TNFSF4: variants seen among roughly 807,000 people sequenced by gnomAD.
The protein encoded by TNFSF4 is tumor necrosis factor ligand superfamily member 4.
TNFSF4 carries 4 observed loss-of-function variants against 7.3 expected under a neutral mutation model. The ratio of observed to expected loss-of-function variants is 0.55; its 90% CI spans 0.27 to 1.25. The LOEUF (loss-of-function observed/expected upper bound fraction) is 1.25. Among genes scored for constraint, TNFSF4 ranks in the 50% most tolerant of loss-of-function variants. The pLI, the probability that TNFSF4 is intolerant of heterozygous loss-of-function variation, is 0.12. For missense variants in TNFSF4, 181 were observed against 208.8 expected (o/e 0.87, Z 0.82); for synonymous variants, 76 against 83.7 (o/e 0.91, Z 0.50).
At chr1:173,368,150 G>A in the TNFSF4 span, among the ~76,000 whole-genome samples, 1,227 of 152,192 alleles carry the variant, frequency 8.1e-3, 9 homozygotes, top group Middle Eastern at 0.034. Context: ...AATGGAACAC[G>A]CGAGGGGACA....
At chr1:173,410,610 A>C in the TNFSF4 span, among the ~76,000 whole-genome samples, 1 of 152,220 alleles carries the variant, frequency 6.6e-6, no homozygotes, top group Non-Finnish European at 1.5e-5. Context: ...GGACTTGGTC[A>C]TAGGAAGCCC....
At chr1:173,296,604 G>T in the TNFSF4 span, among the ~76,000 whole-genome samples, 2 of 151,866 alleles carry the variant, frequency 1.3e-5, no homozygotes, top group Admixed American at 6.6e-5. Flanking sequence ...TTGAGTGAGG[G>T]GTAGGGAGAC....
the TNFSF4 span, among the ~76,000 whole-genome samples, chr1:173,407,707 T>TGTGTGTGTGTGTGTGC: frequency 6.7e-6 from 1 of 150,342 alleles, no homozygotes; most frequent in East Asian, 1.9e-4. Flanking sequence ...TAAATGGGTG[T>TGTGTGTGTGTGTGTGC]GTGTGTGTGT....
At chr1:173,387,997 C>T in the TNFSF4 span, among the ~76,000 whole-genome samples, 1 of 152,182 alleles carries the variant, frequency 6.6e-6, no homozygotes, top group African/African-American at 2.4e-5. Flanking sequence ...TGATATATGA[C>T]ACTTTACTGA....
At chr1:173,198,279 C>T (rs1438212471) in intron 1 of TNFSF4, among the ~76,000 whole-genome samples, 1 of 152,208 alleles carries the variant, frequency 6.6e-6, no homozygotes, top group African/African-American at 2.4e-5. Flanking sequence ...ATTCTCATTT[C>T]AATGTCTAAA....
the TNFSF4 span, among the ~76,000 whole-genome samples, chr1:173,230,894 G>A: frequency 6.6e-6 from 1 of 152,118 alleles, no homozygotes; most frequent in East Asian, 1.9e-4. Flanking sequence ...GACTAAACCA[G>A]GAAGAAGTTG....
the TNFSF4 span, among the ~76,000 whole-genome samples, chr1:173,393,566 G>A: frequency 1.3e-5 from 2 of 152,344 alleles, no homozygotes; most frequent in East Asian, 3.9e-4. Context: ...CTCACAGCTG[G>A]CACCTTGAGA....
the TNFSF4 span, among the ~76,000 whole-genome samples, chr1:173,293,805 G>A: frequency 3.3e-5 from 5 of 151,924 alleles, no homozygotes; most frequent in Non-Finnish European, 7.4e-5. Flanking sequence ...ATGGGTAAAG[G>A]ACATGAATGG....
intron 1 of TNFSF4, chr1:173,205,514 T>A (rs1650148984): frequency 7.1e-7 from 1 of 1,402,750 alleles, no homozygotes; most frequent in Non-Finnish European, 9.3e-7. Flanking sequence ...TCAGAGCCGT[T>A]GTGCAATCAG....
chr1:173,223,621 G>A, the TNFSF4 span, among the ~76,000 whole-genome samples: 4 of 152,198 alleles, frequency 2.6e-5, no homozygotes, highest in Admixed American at 2.6e-4. Context: ...CTATTCAAAT[G>A]CCTACGAAGG....
At chr1:173,216,496 A>G in the TNFSF4 span, among the ~76,000 whole-genome samples, 1 of 152,314 alleles carries the variant, frequency 6.6e-6, no homozygotes, top group Non-Finnish European at 1.5e-5. Context: ...ATAGCCAGGG[A>G]AAAAAATAAA....
At chr1:173,255,063 T>C in the TNFSF4 span, among the ~76,000 whole-genome samples, 2 of 152,166 alleles carry the variant, frequency 1.3e-5, no homozygotes, top group African/African-American at 2.4e-5. Context: ...GGGGTAAAAC[T>C]AGTCTTTCTC....
At chr1:173,364,996 C>A in the TNFSF4 span, among the ~76,000 whole-genome samples, 117 of 152,058 alleles carry the variant, frequency 7.7e-4, no homozygotes, top group Middle Eastern at 3.4e-3. Context: ...AGCCCAGCTA[C>A]TCAGGAGGCT....
At chr1:173,228,534 A>G in the TNFSF4 span, among the ~76,000 whole-genome samples, 91 of 152,320 alleles carry the variant, frequency 6.0e-4, 1 homozygote, top group African/African-American at 2.1e-3. Context: ...TCCCCCCTCC[A>G]AAGGAACACA....
the TNFSF4 span, among the ~76,000 whole-genome samples, chr1:173,412,431 G>C: frequency 6.6e-6 from 1 of 152,180 alleles, no homozygotes; most frequent in African/African-American, 2.4e-5. Context: ...TTTCTAAACA[G>C]AACAAATTAA....
rs11389771 is a variant in TNFSF4, at chr1:173,190,048, T to TAAA, written c.154-1482_154-1480dup. On this transcript the variant is annotated intron_variant, in intron 1 of 2. Coordinates refer to ENST00000281834, the MANE Select transcript of TNFSF4 (RefSeq NM_003326.5). ...AACATGGTGAAACCCCATCTCTGCT[T>TAAA]AAAAAAAAAAAAAAAAAATTATCCA... is the stretch of plus-strand genomic sequence containing the variant. Among the ~76,000 whole-genome samples the TAAA allele has an allele frequency of 2.3e-5, 3 of 128,366 alleles. No individual in the cohort carries two copies. The South Asian group carries it at 7.8e-4, about 33-fold the overall frequency. 84.2% of individuals were successfully genotyped at this position (128,366 alleles called of 152,430 possible). A position where few individuals can be genotyped will look rare whatever the true frequency, so the allele number is the denominator to read the frequency against.
chr1:173,394,982 G>T, the TNFSF4 span, among the ~76,000 whole-genome samples: 1 of 128,956 alleles, frequency 7.8e-6, no homozygotes. Context: ...AGATAATAGA[G>T]GACACATAGA....
chr1:173,409,535 G>A, the TNFSF4 span, among the ~76,000 whole-genome samples: 5 of 152,014 alleles, frequency 3.3e-5, no homozygotes, highest in East Asian at 9.6e-4. Context: ...TACTATTCTT[G>A]CCAGTTTTCT....
the TNFSF4 span, among the ~76,000 whole-genome samples, chr1:173,417,502 G>A: frequency 6.4e-5 from 5 of 78,604 alleles, no homozygotes; most frequent in East Asian, 4.2e-4. Flanking sequence ...AATAAACCAC[G>A]TGGAAGCGTG....
Sources: allele counts gnomAD v4.1 joint callset (sites outside exome capture counted in the v4.1 genomes callset), GRCh38; gene constraint gnomAD v4.1.1; transcripts MANE v1.5; gene names NCBI Gene and HGNC (gene_info 2026-07-23, HGNC 2026-07-21).